The following DONSON variants were observed in gnomAD, a reference collection of about 807,000 sequenced individuals.
DONSON encodes the protein DNA replication fork stabilization factor DONSON.
A neutral mutation model predicts 62.1 loss-of-function variants in DONSON; 43 were observed. The ratio of observed to expected loss-of-function variants is 0.69; its 90% CI spans 0.54 to 0.89. The LOEUF (loss-of-function observed/expected upper bound fraction) is 0.89, where lower values mean the gene tolerates loss of function less well. Among genes scored for constraint, DONSON ranks in the 40% least tolerant of loss-of-function variants. The pLI, the probability that DONSON is intolerant of heterozygous loss-of-function variation, is 0.00. For missense variants in DONSON, 696 were observed against 697.5 expected (o/e 1.00, Z 0.03); for synonymous variants, 266 against 264.6 (o/e 1.01, Z -0.05).
At chr21:33,587,662 G>A (rs2086593645) in intron 1 of DONSON, 60 bp from the exon 2 acceptor site, 1 of 1,172,692 alleles carries the variant, frequency 8.5e-7, no homozygotes, top group Non-Finnish European at 1.2e-6. Context: ...CGTTAAATAT[G>A]TACAGAGCCT....
chr21:33,585,173 T>C (rs1160418484), intron 3 of DONSON, among the ~76,000 whole-genome samples: 1 of 152,160 alleles, frequency 6.6e-6, no homozygotes, highest in Non-Finnish European at 1.5e-5. Flanking sequence ...AAAAGATGTA[T>C]AATATACCAA....
rs773163935 is a variant in DONSON, at chr21:33,586,200, G to A, written c.403-19C>T. The A allele has an allele frequency of 7.5e-6, 12 of 1,606,786 alleles. No homozygotes were observed. The highest frequency in any genetic ancestry group is 5.1e-6 in the Non-Finnish European group (6 of 1,174,156). On this transcript the variant is annotated intron_variant, in intron 2 of 9. Coordinates refer to ENST00000303071, the MANE Select transcript of DONSON (RefSeq NM_017613.4). The stretch of plus-strand genomic sequence containing the variant: ...GTGAAGTCTTTAGAAAACAAAGAAT[G>A]CAAAAATTAGTCGAGTATCAAGAAA...
chr21:33,585,550 G>A (rs896125734), intron 3 of DONSON, among the ~76,000 whole-genome samples: 1 of 151,878 alleles, frequency 6.6e-6, no homozygotes, highest in African/African-American at 2.4e-5. Flanking sequence ...TAATCAAAAT[G>A]TATATCTCTA....
chr21:33,579,423 G>C lies in DONSON; in HGVS notation c.1490C>G (p.Ser497Cys). The change falls in exon 9 of 10, where the codon TCT (serine) becomes TGT (cysteine). Residue 497 changes from serine to cysteine, a missense_variant. Physicochemically the swap from Ser to Cys is moderately radical, Grantham distance 112. Transcript: ENST00000303071. ...LLKSSQSGSF[S>C]AVLYPHEPTA... ...TGGCTCGTGTGGATACAGTACTGCA[G>C]AGAAAGATCCACTCTGTGAAGATTT... is the stretch of plus-strand genomic sequence containing the variant. 1.2e-6 allele frequency: 2 copies of C among 1,614,174 alleles called. No individual in the cohort carries two copies. Among genetic ancestry groups the C allele is most frequent in the Non-Finnish European group, 1.7e-6 (2 of 1,180,018 alleles).
rs781238176 is a variant in DONSON at position 33,584,629 on chromosome 21, G to A, written c.746C>T (p.Ser249Leu). Residue 249 changes from serine to leucine, a missense_variant, in exon 4 of 10, where the codon TCA becomes TTA. Physicochemically the swap from Ser to Leu is moderately radical, Grantham distance 145. Transcript: ENST00000303071. ...RKMAGKTSPW[S>L]NDATLQHVLM... Reference sequence around the variant, plus strand: ...AACATGCTGCAGGGTTGCATCATTTGACCAAGGACTTGTCTTTCCAGCCAT... The same window carrying A: ...AACATGCTGCAGGGTTGCATCATTTAACCAAGGACTTGTCTTTCCAGCCAT... 4.3e-6 allele frequency: 7 copies of A among 1,613,050 alleles called. No homozygotes were observed. In the South Asian group the frequency reaches 6.6e-5, roughly 15 times the overall value.
chr21:33,587,737 C>T (rs2145908920), intron 1 of DONSON, 135 bp from the exon 2 acceptor site: 1 of 579,990 alleles, frequency 1.7e-6, no homozygotes, highest in African/African-American at 1.9e-5. Flanking sequence ...CCCATCCAAT[C>T]TATGAGTTTC....
At chr21:33,578,489 T>G in intron 9 of DONSON, 45 bp from the exon 10 acceptor site, 1 of 1,565,068 alleles carries the variant, frequency 6.4e-7, no homozygotes, top group Non-Finnish European at 8.7e-7. Flanking sequence ...CATTAGTCTT[T>G]AAACACAGAA....
At chr21:33,579,296 A>G (rs2086477726) in intron 9 of DONSON, 54 bp downstream of exon 9, 2 of 1,358,954 alleles carry the variant, frequency 1.5e-6, no homozygotes, top group Non-Finnish European at 9.9e-7. Context: ...ATTTCCCTCC[A>G]GCTAGTTTGA....
In DONSON at chr21:33,582,075, A is replaced by G; in HGVS notation, c.1047-20T>C. 1 of 1,613,376 alleles carries G rather than the reference A, an allele frequency of 6.2e-7. No individual in the cohort carries two copies. Among genetic ancestry groups the G allele is most frequent in the Non-Finnish European group, 8.5e-7 (1 of 1,179,314 alleles). On this transcript the variant is annotated intron_variant, in intron 6 of 9. Transcript: ENST00000303071. ...TGCTCCCTAGGAAATTGCTACAGTT[A>G]GAGTCCCTATTTCACAAGCTGTTCC...
At chr21:33,583,387 G>A (rs2086539284) in intron 5 of DONSON, 101 bp downstream of exon 5, 4 of 883,308 alleles carry the variant, frequency 4.5e-6, no homozygotes, top group Non-Finnish European at 6.6e-6. Context: ...TCTTAATGTT[G>A]CTAATCAACT....
chr21:33,582,329 G>GAGTGTAAAAAAA, intron 5 of DONSON, 83 bp from the exon 6 acceptor site: 1 of 1,146,102 alleles, frequency 8.7e-7, no homozygotes, highest in Non-Finnish European at 1.3e-6. Context: ...TAAAAAATTT[G>GAGTGTAAAAAAA]AAATGTTAGT....
At position 33,581,296 on chromosome 21, in the gene DONSON, T is replaced by A. The variant is rs766587395; in HGVS notation, c.1350+6A>T. ...TTAAAAGCTAGGTTATGCAGACTTT[T>A]ATTACCTTAAGCATTTGCATTGTGG... On this transcript the variant is annotated splice_donor_region_variant and intron_variant, in intron 8 of 9. Coordinates refer to ENST00000303071, the MANE Select transcript of DONSON (RefSeq NM_017613.4). 3.5e-5 allele frequency: 56 copies of A among 1,613,606 alleles called. No individual in the cohort carries two copies. Among genetic ancestry groups the A allele is most frequent in the Non-Finnish European group, 3.7e-5 (44 of 1,179,666 alleles).
chr21:33,585,673 C>T (rs895809118), intron 3 of DONSON, among the ~76,000 whole-genome samples: 7 of 150,188 alleles, frequency 4.7e-5, no homozygotes, highest in African/African-American at 1.7e-4. Flanking sequence ...CTTTTCACTT[C>T]TTTCTTTGTA....
At chr21:33,578,691 G>A (rs962936606) in intron 9 of DONSON, among the ~76,000 whole-genome samples, 1 of 152,076 alleles carries the variant, frequency 6.6e-6, no homozygotes, top group Non-Finnish European at 1.5e-5. Context: ...CCTTAAGTAT[G>A]TTCAAAATTA....
rs762688764 is a variant in DONSON at position 33,586,201 on chromosome 21, C to A, written c.403-20G>T. 6.2e-7 allele frequency: 1 copy of A among 1,606,460 alleles called. No individual in the cohort carries two copies. The highest frequency in any genetic ancestry group is 1.1e-5 in the South Asian group (1 of 90,506). On this transcript the variant is annotated intron_variant, in intron 2 of 9. Transcript: ENST00000303071. ...TGAAGTCTTTAGAAAACAAAGAATG[C>A]AAAAATTAGTCGAGTATCAAGAAAA...
intron 3 of DONSON, 95 bp from the exon 4 acceptor site, chr21:33,584,863 T>A: frequency 9.8e-7 from 1 of 1,023,098 alleles, no homozygotes; most frequent in Non-Finnish European, 1.3e-6. Context: ...GGTCTAAGAA[T>A]CTTTATTGCT....
Position 33,588,386 on chromosome 21 carries a change from G to T in DONSON, c.256C>A (p.Arg86=). 7.7e-7 allele frequency: 1 copy of T among 1,295,614 alleles called. No individual in the cohort carries two copies. The highest frequency in any genetic ancestry group is 2.6e-5 in the South Asian group (1 of 38,790). 80.3% of individuals were successfully genotyped at this position (1,295,614 alleles called of 1,614,324 possible). Residue 86 remains arginine, a synonymous_variant, in exon 1 of 10, where the codon CGA becomes AGA. Transcript: ENST00000303071. ...GGGGGCTCCGCGGCGACCCGCGGTC[G>T]GTTGTCCAGGCGGGCGAAGGGGTTC... is the stretch of plus-strand genomic sequence containing the variant. The part of the protein sequence containing the change: ...RRNPFARLDN[R]PRVAAEPPDG...
intron 7 of DONSON, 138 bp downstream of exon 7, chr21:33,581,809 TTTAG>T: frequency 2.6e-6 from 2 of 765,370 alleles, no homozygotes; most frequent in South Asian, 1.9e-5. Flanking sequence ...TAGGGGCTTA[TTTAG>T]TATTACAATG....
At chr21:33,579,606 A>C in intron 8 of DONSON, 44 bp from the exon 9 acceptor site, 7 of 1,562,988 alleles carry the variant, frequency 4.5e-6, no homozygotes, top group African/African-American at 1.4e-5. Flanking sequence ...ATCATCTCTC[A>C]ACCTTTTGCC....
Sources: allele counts gnomAD v4.1 joint callset (sites outside exome capture counted in the v4.1 genomes callset), GRCh38; gene constraint gnomAD v4.1.1; transcripts MANE v1.5; gene names NCBI Gene and HGNC (gene_info 2026-07-23, HGNC 2026-07-21).